XPO6: variants seen among roughly 807,000 people sequenced by gnomAD.
The protein encoded by XPO6 is exportin-6.
Under a neutral mutation model 130.0 loss-of-function variants are expected in XPO6, and 3 were observed. That is an observed-to-expected ratio of 0.02 (90% CI 0.01 to 0.06). The LOEUF (loss-of-function observed/expected upper bound fraction) is 0.06, where lower values mean the gene tolerates loss of function less well. Among genes scored for constraint, XPO6 ranks in the 10% least tolerant of loss-of-function variants. The probability of loss-of-function intolerance (pLI) is 1.00; values close to 1 mark genes in which losing one functional copy is unlikely to be tolerated. For synonymous variants in XPO6, 524 were observed against 548.9 expected (o/e 0.95, Z 0.63); for missense variants, 970 against 1,393.0 (o/e 0.70, Z 4.83).
At position 28,107,686 on chromosome 16, in the gene XPO6, C is replaced by T. The variant is rs1209897275; in HGVS notation, c.2342-9G>A. ...GTGGATAATCAGTTTGGCTGCAAAT[C>T]AAGATGAGTTGCAGGTTATAAGCTG... On this transcript the variant is annotated splice_polypyrimidine_tract_variant and intron_variant, in intron 17 of 23. Coordinates refer to ENST00000304658, the MANE Select transcript of XPO6 (RefSeq NM_015171.4). 1 of 1,612,980 alleles carries T rather than the reference C, an allele frequency of 6.2e-7. No individual in the cohort carries two copies. Among genetic ancestry groups the T allele is most frequent in the African/African-American group, 1.3e-5 (1 of 74,814 alleles).
chr16:28,151,681 T>C (rs1023208084), intron 8 of XPO6, among the ~76,000 whole-genome samples: 1 of 152,158 alleles, frequency 6.6e-6, no homozygotes, highest in Non-Finnish European at 1.5e-5. Flanking sequence ...TAACTACACC[T>C]AAGATTTATG....
intron 14 of XPO6, among the ~76,000 whole-genome samples, chr16:28,119,848 G>A (rs2087182289): frequency 6.6e-6 from 1 of 152,006 alleles, no homozygotes; most frequent in East Asian, 1.9e-4. Context: ...CATGTTGTCT[G>A]TAATTTCTTT....
At chr16:28,200,788 C>A (rs2043941933) in intron 1 of XPO6, among the ~76,000 whole-genome samples, 1 of 152,158 alleles carries the variant, frequency 6.6e-6, no homozygotes, top group Admixed American at 6.5e-5. Context: ...CCCTGGGCCT[C>A]AGCGTCCTTA....
rs571488807 is a variant in XPO6, at chr16:28,104,662, G to A, written c.2830C>T (p.Arg944Trp). 5.3e-5 allele frequency: 86 copies of A among 1,614,174 alleles called. No homozygotes were observed. Among genetic ancestry groups the A allele is most frequent in the Non-Finnish European group, 6.3e-5 (74 of 1,180,048 alleles). Residue 944 changes from arginine to tryptophan, a missense_variant, in exon 21 of 24, where the codon CGG becomes TGG. Transcript: ENST00000304658. The part of the protein sequence containing the change: ...VKAELFELLF[R>W]TLHHNWRYFF... Reference sequence around the variant, plus strand: ...TACCTCCAGTTGTGATGGAGCGTCCGGAAAAGGAGCTCAAACAGCTCGGCC... The same window carrying A: ...TACCTCCAGTTGTGATGGAGCGTCCAGAAAAGGAGCTCAAACAGCTCGGCC...
At chr16:28,115,192 G>C (rs1006423057) in intron 15 of XPO6, among the ~76,000 whole-genome samples, 3 of 152,202 alleles carry the variant, frequency 2.0e-5, no homozygotes, top group Admixed American at 6.5e-5. Flanking sequence ...ATGGCATCTA[G>C]AATGGTGAAT....
chr16:28,140,312 G>A (rs562812811), intron 9 of XPO6, among the ~76,000 whole-genome samples: 6 of 151,314 alleles, frequency 4.0e-5, no homozygotes, highest in Non-Finnish European at 7.4e-5. Context: ...CCAAATATTC[G>A]GAAACTAAAC....
At chr16:28,198,451 C>T (rs77533015) in intron 1 of XPO6, among the ~76,000 whole-genome samples, 8,924 of 151,930 alleles carry the variant, frequency 0.059, 655 homozygotes, top group East Asian at 0.17. Flanking sequence ...GTAGCATCAG[C>T]ACCTACTTTA....
chr16:28,181,173 T>A, intron 1 of XPO6, 142 bp from the exon 2 acceptor site: 1 of 564,668 alleles, frequency 1.8e-6, no homozygotes, highest in Non-Finnish European at 3.0e-6. Flanking sequence ...GCATGGTATA[T>A]GCCAGAAAAA....
At chr16:28,189,771 T>G (rs763664939) in intron 1 of XPO6, among the ~76,000 whole-genome samples, 2 of 152,202 alleles carry the variant, frequency 1.3e-5, no homozygotes, top group African/African-American at 2.4e-5. Context: ...TTGCACAATA[T>G]CTTCACACAG....
chr16:28,210,645 GA>G (rs2044113547), intron 1 of XPO6, among the ~76,000 whole-genome samples: 1 of 152,238 alleles, frequency 6.6e-6, no homozygotes, highest in African/African-American at 2.4e-5. Context: ...GATACACAAA[GA>G]GATGTGAGTA....
intron 1 of XPO6, among the ~76,000 whole-genome samples, chr16:28,189,588 A>AG (rs1444881737): frequency 2.7e-5 from 3 of 109,418 alleles, no homozygotes; most frequent in East Asian, 3.3e-4. Context: ...GAGTTGCAGG[A>AG]GAAAAAAAAA....
chr16:28,116,552 C>A (rs927525422), intron 15 of XPO6, among the ~76,000 whole-genome samples: 8 of 151,536 alleles, frequency 5.3e-5, no homozygotes, highest in Admixed American at 4.6e-4. Flanking sequence ...TTAATCATTT[C>A]TAGATTTTTA....
At chr16:28,208,261 G>A (rs1462810436) in intron 1 of XPO6, among the ~76,000 whole-genome samples, 2 of 152,194 alleles carry the variant, frequency 1.3e-5, no homozygotes, top group African/African-American at 4.8e-5. Context: ...TAGAGTTGAA[G>A]ATTTAAAAAG....
At chr16:28,166,789 G>C (rs1477763970) in intron 5 of XPO6, 1 of 985,212 alleles carries the variant, frequency 1.0e-6, no homozygotes, top group Non-Finnish European at 1.2e-6. Context: ...GTGGCCTTGT[G>C]GTGTGGCCTC....
Position 28,132,948 on chromosome 16 carries a change from A to T in XPO6, c.1537-545T>A, listed in dbSNP as rs1209411977. ...TCTCAAGCTGCTACACTCACCAGTAAGATTAAAACGTGACTGGCCCCTAAG... is the reference window on the plus strand; with the variant it reads ...TCTCAAGCTGCTACACTCACCAGTATGATTAAAACGTGACTGGCCCCTAAG... On this transcript the variant is annotated intron_variant, in intron 11 of 23. Transcript: ENST00000304658. The surrounding 1 kb of genome is among the most constrained non-coding windows in gnomAD (Gnocchi z 4.0). 6.6e-6 allele frequency among the ~76,000 whole-genome samples: 1 copy of T among 152,220 alleles called. No individual in the cohort carries two copies. The highest frequency in any genetic ancestry group is 1.5e-5 in the Non-Finnish European group (1 of 68,040).
At chr16:28,123,276 T>G (rs1374961773) in intron 13 of XPO6, among the ~76,000 whole-genome samples, 1 of 152,056 alleles carries the variant, frequency 6.6e-6, no homozygotes, top group Non-Finnish European at 1.5e-5. Flanking sequence ...CAGCTAAATT[T>G]TTTTGTCTTT....
intron 15 of XPO6, among the ~76,000 whole-genome samples, chr16:28,115,711 C>T (rs955644218): frequency 2.6e-5 from 4 of 152,218 alleles, no homozygotes; most frequent in Admixed American, 6.5e-5. Flanking sequence ...GCACTGACTC[C>T]TCCTCTCTGG....
intron 20 of XPO6, 39 bp from the exon 21 acceptor site, chr16:28,104,746 G>A (rs1460648970): frequency 6.2e-7 from 1 of 1,608,734 alleles, no homozygotes; most frequent in Admixed American, 1.7e-5. Flanking sequence ...GCAGCTTGCG[G>A]AGCTGCTCCG....
Position 28,152,074 on chromosome 16 carries a change from A to G in XPO6, c.1224+585T>C, listed in dbSNP as rs192649697. Among the ~76,000 whole-genome samples, 105 of 151,238 alleles carry G rather than the reference A, an allele frequency of 6.9e-4. No homozygotes were observed. The East Asian group carries it at 9.2e-3, about 13-fold the overall frequency. On this transcript the variant is annotated intron_variant, in intron 8 of 23. Transcript: ENST00000304658. ...ACATATATAATTTTATATATTTTTTATGTGTGTGTGTGTGTACACACACAT... is the reference window on the plus strand; with the variant it reads ...ACATATATAATTTTATATATTTTTTGTGTGTGTGTGTGTGTACACACACAT...
Sources: allele counts gnomAD v4.1 joint callset (sites outside exome capture counted in the v4.1 genomes callset), GRCh38; gene constraint gnomAD v4.1.1; non-coding constraint Gnocchi (gnomAD v3.1); transcripts MANE v1.5; gene names NCBI Gene and HGNC (gene_info 2026-07-23, HGNC 2026-07-21).